KIAA1958: variants seen among roughly 807,000 people sequenced by gnomAD.
The protein encoded by KIAA1958 is uncharacterized protein KIAA1958.
KIAA1958 carries 14 observed loss-of-function variants against 47.2 expected under a neutral mutation model. The ratio of observed to expected loss-of-function variants is 0.30; its 90% CI spans 0.20 to 0.46. The LOEUF (loss-of-function observed/expected upper bound fraction) is 0.46, where lower values mean the gene tolerates loss of function less well. Ranked by LOEUF, KIAA1958 falls within the 20% of genes least tolerant of loss-of-function variation. KIAA1958 has a pLI of 1.00. For synonymous variants in KIAA1958, 354 were observed against 353.3 expected, an observed-to-expected ratio of 1.00 and a Z score of -0.02; for missense variants, 803 against 909.2, an observed-to-expected ratio of 0.88 and a Z score of 1.50.
rs542448925 is a variant in KIAA1958 at position 112,516,885 on chromosome 9, A to G, written c.-25+29767A>G. Among the ~76,000 whole-genome samples, 11 of 152,372 alleles carry G rather than the reference A, an allele frequency of 7.2e-5. No individual in the cohort carries two copies. The South Asian group carries it at 1.9e-3, about 26-fold the overall frequency. ...AGTGCAGCCATGTGGTGGAAGATTT[A>G]TGGACAGAAAAAGGAGAGTGATGTA... On this transcript the variant is annotated intron_variant, in intron 1 of 3. Transcript: ENST00000337530.
At chr9:112,595,727 T>A (rs541574338) in intron 2 of KIAA1958, among the ~76,000 whole-genome samples, 1 of 151,484 alleles carries the variant, frequency 6.6e-6, no homozygotes, top group Non-Finnish European at 1.5e-5. Context: ...ATATATTGAT[T>A]GGCAGTAGCA....
intron 2 of KIAA1958, among the ~76,000 whole-genome samples, chr9:112,596,970 A>G (rs1274203668): frequency 6.6e-6 from 1 of 152,138 alleles, no homozygotes. Context: ...TTCTAATCAA[A>G]TGTTTGTAAT....
intron 1 of KIAA1958, among the ~76,000 whole-genome samples, chr9:112,501,077 A>G (rs1834129047): frequency 6.6e-6 from 1 of 151,914 alleles, no homozygotes; most frequent in Non-Finnish European, 1.5e-5. Context: ...GTGAACTGTG[A>G]TCATTCCACT....
chr9:112,513,603 A>ACCGACCGCAGCCGCCGCCGC (rs1834361682), intron 1 of KIAA1958, among the ~76,000 whole-genome samples: 2 of 131,388 alleles, frequency 1.5e-5, no homozygotes, highest in South Asian at 5.2e-4. Flanking sequence ...CGCTGCCGCG[A>ACCGACCGCAGCCGCCGCCGC]CCGACCGCAG....
intron 2 of KIAA1958, among the ~76,000 whole-genome samples, chr9:112,608,168 T>C (rs1836268799): frequency 6.6e-6 from 1 of 152,202 alleles, no homozygotes; most frequent in Non-Finnish European, 1.5e-5. Flanking sequence ...TAAATATTTA[T>C]GGTAATTATT....
At chr9:112,584,759 A>T (rs989832014) in intron 2 of KIAA1958, among the ~76,000 whole-genome samples, 1 of 152,182 alleles carries the variant, frequency 6.6e-6, no homozygotes, top group African/African-American at 2.4e-5. Context: ...TATTTTACTG[A>T]TGGAAATGAC....
chr9:112,518,369 A>C (rs1834475265), intron 1 of KIAA1958, among the ~76,000 whole-genome samples: 2 of 152,244 alleles, frequency 1.3e-5, no homozygotes, highest in Admixed American at 1.3e-4. Context: ...ATACAAGGGC[A>C]TATCTCTCAG....
rs1285507071 is a variant in KIAA1958, at chr9:112,630,727, A to T, written c.1172-14923A>T. ...CATTTAATAATGAAAAAACATGTTA[A>T]AACATCTGAAAATACAACATCTCTC... is the stretch of plus-strand genomic sequence containing the variant. On this transcript the variant is annotated intron_variant, in intron 2 of 3. Coordinates refer to ENST00000337530, the MANE Select transcript of KIAA1958 (RefSeq NM_133465.4). Among the ~76,000 whole-genome samples, 2 of 152,258 alleles carry T rather than the reference A, an allele frequency of 1.3e-5. 1 individual carries two copies. Among genetic ancestry groups the T allele is most frequent in the East Asian group, 3.8e-4 (2 of 5,204 alleles).
chr9:112,565,873 A>G (rs1161595299), intron 1 of KIAA1958, among the ~76,000 whole-genome samples: 1 of 152,230 alleles, frequency 6.6e-6, no homozygotes, highest in African/African-American at 2.4e-5. Flanking sequence ...ATATAATAAA[A>G]GCAACTTAAT....
At chr9:112,532,653 A>C (rs1834770632) in intron 1 of KIAA1958, among the ~76,000 whole-genome samples, 1 of 152,190 alleles carries the variant, frequency 6.6e-6, no homozygotes, top group Non-Finnish European at 1.5e-5. Flanking sequence ...AACATCAAAA[A>C]CTGGGCCAGC....
intron 2 of KIAA1958, among the ~76,000 whole-genome samples, chr9:112,576,844 G>T (rs1481387315): frequency 6.6e-6 from 1 of 152,020 alleles, no homozygotes; most frequent in Non-Finnish European, 1.5e-5. Context: ...TGTTTATCTT[G>T]CTTGGGTAAC....
intron 2 of KIAA1958, among the ~76,000 whole-genome samples, chr9:112,623,123 C>T (rs1836540297): frequency 6.6e-6 from 1 of 152,026 alleles, no homozygotes; most frequent in Non-Finnish European, 1.5e-5. Context: ...TTCTTAGAGC[C>T]TGTTTTAAAA....
intron 1 of KIAA1958, among the ~76,000 whole-genome samples, chr9:112,510,697 CAT>C: frequency 6.6e-6 from 1 of 152,100 alleles, no homozygotes; most frequent in East Asian, 1.9e-4. Flanking sequence ...AAAATGGACA[CAT>C]AAACAACAAA....
intron 3 of KIAA1958, among the ~76,000 whole-genome samples, chr9:112,657,561 C>T (rs774004793): frequency 1.9e-4 from 29 of 151,658 alleles, no homozygotes; most frequent in East Asian, 3.9e-4. Context: ...GTTTTCGGTT[C>T]GGTTAATTTT....
chr9:112,569,897 T>C (rs1411229559), intron 1 of KIAA1958, among the ~76,000 whole-genome samples: 1 of 152,192 alleles, frequency 6.6e-6, no homozygotes, highest in African/African-American at 2.4e-5. Context: ...GTGCTGGGAT[T>C]ACAGGTGTGA....
intron 1 of KIAA1958, 89 bp from the exon 2 acceptor site, chr9:112,573,968 A>G (rs1485701174): frequency 1.5e-6 from 1 of 687,930 alleles, no homozygotes; most frequent in Non-Finnish European, 2.4e-6. Context: ...TTTTATGCCA[A>G]ATGATCATAT....
chr9:112,618,565 G>C lies in KIAA1958; in HGVS notation c.1172-27085G>C. ...CCTGCCCTGTCCAGGACTATAAGGA[G>C]TATGCCCAGCGGCGGCCTCCCGCCA... On this transcript the variant is annotated intron_variant, in intron 2 of 3. Coordinates refer to ENST00000337530, the MANE Select transcript of KIAA1958 (RefSeq NM_133465.4). The surrounding 1 kb of genome is among the most constrained non-coding windows in gnomAD (Gnocchi z 7.1). 2 of 1,550,724 alleles carry C rather than the reference G, an allele frequency of 1.3e-6. No homozygotes were observed. Among genetic ancestry groups the C allele is most frequent in the African/African-American group, 1.4e-5 (1 of 73,184 alleles).
At chr9:112,516,461 TTAAA>T (rs1373172973) in intron 1 of KIAA1958, among the ~76,000 whole-genome samples, 1 of 152,224 alleles carries the variant, frequency 6.6e-6, no homozygotes, top group Non-Finnish European at 1.5e-5. Context: ...TTTAAAAGGC[TTAAA>T]TAAGTCGAGA....
intron 1 of KIAA1958, among the ~76,000 whole-genome samples, chr9:112,492,234 GTTAGGTTCTTCTAAGGC>G (rs1833982542): frequency 6.6e-6 from 1 of 152,174 alleles, no homozygotes; most frequent in Admixed American, 6.5e-5. Flanking sequence ...TGTTGGCAGG[GTTAGGTTCTTCTAAGGC>G]CCCTCTCTTG....
Sources: gnomAD v4.1 joint callset for allele counts (sites outside exome capture counted in the v4.1 genomes callset) on GRCh38, gnomAD v4.1.1 for gene constraint, Gnocchi (gnomAD v3.1) non-coding constraint, MANE v1.5 for transcripts, NCBI Gene and HGNC (gene_info 2026-07-23, HGNC 2026-07-21) for gene names.